BLTP3B: variants seen among roughly 807,000 people sequenced by gnomAD.
The protein encoded by BLTP3B is UHRF1 (ICBP90) binding protein 1-like.
At chr12:100,067,122 A>T in the BLTP3B span, among the ~76,000 whole-genome samples, 2 of 152,192 alleles carry the variant, frequency 1.3e-5, no homozygotes, top group African/African-American at 4.8e-5. Context: ...GATGGAAATT[A>T]AAAAATTCTT....
chr12:100,039,865 C>T, the BLTP3B span: 1 of 1,351,936 alleles, frequency 7.4e-7, no homozygotes, highest in South Asian at 1.6e-5. Context: ...TTGTGAAAAT[C>T]TAATTTAAAA....
the BLTP3B span, among the ~76,000 whole-genome samples, chr12:100,119,171 A>G: frequency 6.6e-6 from 1 of 152,180 alleles, no homozygotes; most frequent in Non-Finnish European, 1.5e-5. Context: ...TCAGAAACTG[A>G]ATATTTTAAA....
chr12:100,087,118 CA>C, the BLTP3B span, among the ~76,000 whole-genome samples: 1 of 134,162 alleles, frequency 7.5e-6, no homozygotes, highest in East Asian at 2.1e-4. Flanking sequence ...GAGTTTGAGC[CA>C]CTGCACTCCA....
At chr12:100,057,030 C>A in the BLTP3B span, among the ~76,000 whole-genome samples, 1 of 152,092 alleles carries the variant, frequency 6.6e-6, no homozygotes, top group East Asian at 1.9e-4. Context: ...TTGGTTGTCT[C>A]TCAATAAAAT....
chr12:100,137,717 T>TA, the BLTP3B span, among the ~76,000 whole-genome samples: 4 of 152,174 alleles, frequency 2.6e-5, no homozygotes, highest in African/African-American at 4.8e-5. Context: ...AAGACTGCTT[T>TA]AATGAGCATA....
the BLTP3B span, among the ~76,000 whole-genome samples, chr12:100,101,381 G>C: frequency 6.6e-6 from 1 of 152,176 alleles, no homozygotes; most frequent in South Asian, 2.1e-4. Flanking sequence ...AAGTGAGTGT[G>C]TGTCTGTGTA....
the BLTP3B span, among the ~76,000 whole-genome samples, chr12:100,138,488 G>A: frequency 6.6e-6 from 1 of 152,178 alleles, no homozygotes; most frequent in Admixed American, 6.5e-5. Flanking sequence ...AATGTAGAAC[G>A]TCTAGCAGCA....
the BLTP3B span, chr12:100,039,658 C>T: frequency 3.3e-5 from 53 of 1,614,056 alleles, 1 homozygote; most frequent in South Asian, 5.4e-4. Flanking sequence ...GGCCAAGGAA[C>T]CCCTGGGCTT....
chr12:100,048,735 G>GGGGAGAGAGA, the BLTP3B span, among the ~76,000 whole-genome samples: 4 of 119,592 alleles, frequency 3.3e-5, no homozygotes, highest in East Asian at 4.8e-4. Flanking sequence ...GTAAGGGGGG[G>GGGGAGAGAGA]GAGAGAGAGA....
chr12:100,075,221 A>G, the BLTP3B span, among the ~76,000 whole-genome samples: 1 of 152,132 alleles, frequency 6.6e-6, no homozygotes, highest in South Asian at 2.1e-4. Flanking sequence ...TATGTTGGCC[A>G]GGCTGGTCTC....
the BLTP3B span, chr12:100,057,804 A>G: frequency 6.8e-7 from 1 of 1,464,000 alleles, no homozygotes; most frequent in Non-Finnish European, 9.1e-7. Flanking sequence ...CTATCTAAAA[A>G]ATACTTCTAA....
At chr12:100,104,360 C>T in the BLTP3B span, among the ~76,000 whole-genome samples, 343 of 151,710 alleles carry the variant, frequency 2.3e-3, no homozygotes, top group African/African-American at 7.9e-3. Flanking sequence ...AGTGCCACCA[C>T]GCCCGGCTAA....
the BLTP3B span, among the ~76,000 whole-genome samples, chr12:100,098,925 G>GATAGATAGATAC: frequency 1.6e-4 from 24 of 151,178 alleles, no homozygotes; most frequent in South Asian, 4.4e-3. Context: ...TAGACAGATA[G>GATAGATAGATAC]ATAGATAGAC....
At chr12:100,057,226 A>G in the BLTP3B span, among the ~76,000 whole-genome samples, 1 of 152,200 alleles carries the variant, frequency 6.6e-6, no homozygotes, top group Non-Finnish European at 1.5e-5. Flanking sequence ...GCATACATAT[A>G]ATTGCTGGAT....
At chr12:100,108,235 T>C in the BLTP3B span, 1 of 836,870 alleles carries the variant, frequency 1.2e-6, no homozygotes, top group Non-Finnish European at 1.8e-6. Flanking sequence ...CACACATTTA[T>C]GCAAAGGTAT....
the BLTP3B span, among the ~76,000 whole-genome samples, chr12:100,138,212 G>T: frequency 1.3e-5 from 2 of 152,188 alleles, no homozygotes; most frequent in African/African-American, 4.8e-5. Context: ...GAAGGTCCAA[G>T]AACTCTTCCA....
the BLTP3B span, among the ~76,000 whole-genome samples, chr12:100,125,864 G>A: frequency 1.3e-5 from 2 of 152,166 alleles, no homozygotes; most frequent in East Asian, 1.9e-4. Context: ...ATTGCAATAT[G>A]TTATGATCTT....
the BLTP3B span, among the ~76,000 whole-genome samples, chr12:100,078,268 C>T: frequency 7.9e-5 from 12 of 152,136 alleles, no homozygotes; most frequent in Non-Finnish European, 5.9e-5. Flanking sequence ...CCTGCTTTTG[C>T]CATGTGACGT....
the BLTP3B span, among the ~76,000 whole-genome samples, chr12:100,089,569 AAAAC>A: frequency 3.9e-5 from 6 of 152,188 alleles, no homozygotes; most frequent in Admixed American, 3.9e-4. Context: ...CAAAAAAACA[AAAAC>A]AAAAACAAAA....
Sources: gnomAD v4.1 joint callset for allele counts (sites outside exome capture counted in the v4.1 genomes callset) on GRCh38, gnomAD v4.1.1 for gene constraint, MANE v1.5 for transcripts, NCBI Gene and HGNC (gene_info 2026-07-23, HGNC 2026-07-21) for gene names.